SEZ6L: variants seen among roughly 807,000 people sequenced by gnomAD.
SEZ6L encodes the protein seizure 6-like protein.
In SEZ6L, 37 loss-of-function variants were observed where a neutral mutation model predicts 106.2. The ratio of observed to expected loss-of-function variants is 0.35; its 90% CI spans 0.27 to 0.46. The LOEUF (loss-of-function observed/expected upper bound fraction) is 0.46. SEZ6L is among the 20% of genes least tolerant of loss of function. SEZ6L has a pLI of 1.00. For synonymous variants in SEZ6L, 541 were observed against 570.4 expected, an observed-to-expected ratio of 0.95 and a Z score of 0.73; for missense variants, 1,172 against 1,332.8, an observed-to-expected ratio of 0.88 and a Z score of 1.88.
intron 1 of SEZ6L, among the ~76,000 whole-genome samples, chr22:26,213,257 C>T (rs1052025582): frequency 1.3e-5 from 2 of 152,160 alleles, no homozygotes; most frequent in Admixed American, 6.5e-5. Flanking sequence ...ATTACAATTC[C>T]ACATGAGAGC....
intron 1 of SEZ6L, among the ~76,000 whole-genome samples, chr22:26,266,376 C>T (rs113291426): frequency 0.095 from 13,919 of 147,208 alleles, 797 homozygotes; most frequent in Middle Eastern, 0.2. Context: ...CTGGCTAACA[C>T]AGTGAAACCC....
chr22:26,178,948 A>G (rs996582126), intron 1 of SEZ6L, among the ~76,000 whole-genome samples: 2 of 152,128 alleles, frequency 1.3e-5, no homozygotes, highest in African/African-American at 4.8e-5. Context: ...GTATAGTGCT[A>G]TGGTTGGAAT....
chr22:26,371,532 TGAA>T (rs2084036090), intron 13 of SEZ6L, among the ~76,000 whole-genome samples: 1 of 152,078 alleles, frequency 6.6e-6, no homozygotes, highest in African/African-American at 2.4e-5. Flanking sequence ...ACTTGGAGGC[TGAA>T]GTAGGAGAAT....
intron 13 of SEZ6L, among the ~76,000 whole-genome samples, chr22:26,372,882 A>T (rs742237): frequency 6.6e-6 from 1 of 152,008 alleles, no homozygotes. Flanking sequence ...ACAGGAAAAC[A>T]GTTCCACCTC....
Position 26,256,175 on chromosome 22 carries a change from G to A in SEZ6L, c.95-36231G>A, listed in dbSNP as rs77528815. Among the ~76,000 whole-genome samples the A allele has an allele frequency of 1.0e-3, 155 of 152,314 alleles. 6 individuals carry two copies. The East Asian group carries it at 0.025, about 24-fold the overall frequency. On this transcript the variant is annotated intron_variant, in intron 1 of 16. Transcript: ENST00000248933. ...AGTAGTTGGAGAAGTAAGGAAATGC[G>A]TAAGAGACTAGGTAAACAATGAAAG...
At chr22:26,270,367 A>G (rs1408351610) in intron 1 of SEZ6L, among the ~76,000 whole-genome samples, 7 of 152,100 alleles carry the variant, frequency 4.6e-5, no homozygotes, top group African/African-American at 9.7e-5. Flanking sequence ...CTTTGCATCT[A>G]TGAAACAAAA....
chr22:26,369,458 G>C (rs11090438), intron 13 of SEZ6L, among the ~76,000 whole-genome samples: 69,348 of 136,384 alleles, frequency 0.51, 18,675 homozygotes, highest in East Asian at 0.95. Flanking sequence ...CTCCTGCCTC[G>C]GCCTCCCGAG....
chr22:26,376,040 A>T (rs5752314), intron 15 of SEZ6L, among the ~76,000 whole-genome samples: 6 of 151,928 alleles, frequency 3.9e-5, no homozygotes, highest in Non-Finnish European at 7.4e-5. Context: ...AATCTGTTGT[A>T]TATCAGACAT....
intron 1 of SEZ6L, among the ~76,000 whole-genome samples, chr22:26,267,356 G>C (rs1447663244): frequency 1.3e-5 from 2 of 152,194 alleles, no homozygotes; most frequent in African/African-American, 2.4e-5. Flanking sequence ...AAAGTATCCA[G>C]GGGTTTGATA....
chr22:26,172,946 G>T (rs1938725115), intron 1 of SEZ6L, among the ~76,000 whole-genome samples: 1 of 152,212 alleles, frequency 6.6e-6, no homozygotes, highest in Non-Finnish European at 1.5e-5. Context: ...TGGGGAGTTT[G>T]ACTGAACTGG....
intron 12 of SEZ6L, among the ~76,000 whole-genome samples, chr22:26,353,069 G>T (rs1424026319): frequency 2.6e-5 from 4 of 152,108 alleles, no homozygotes; most frequent in Non-Finnish European, 5.9e-5. Flanking sequence ...CTCAAAAAGG[G>T]ACACTTTATT....
At chr22:26,340,391 C>T (rs370358497) in intron 9 of SEZ6L, 45 bp from the exon 10 acceptor site, 66 of 1,535,474 alleles carry the variant, frequency 4.3e-5, no homozygotes, top group Non-Finnish European at 5.5e-5. Context: ...TATTGAATGC[C>T]CATTCTCTAT....
At chr22:26,261,180 G>T (rs919682259) in intron 1 of SEZ6L, among the ~76,000 whole-genome samples, 4 of 152,124 alleles carry the variant, frequency 2.6e-5, no homozygotes, top group Non-Finnish European at 4.4e-5. Context: ...TCACTCTGTG[G>T]GTTGTCTGTT....
At chr22:26,257,617 G>T (rs983960350) in intron 1 of SEZ6L, among the ~76,000 whole-genome samples, 5 of 152,186 alleles carry the variant, frequency 3.3e-5, no homozygotes, top group Admixed American at 1.3e-4. Context: ...GGCAGGAGAA[G>T]GCTCTTCTGA....
intron 7 of SEZ6L, among the ~76,000 whole-genome samples, 178 bp from the exon 8 acceptor site, chr22:26,311,590 G>T (rs1393427966): frequency 6.6e-6 from 1 of 152,200 alleles, no homozygotes; most frequent in Admixed American, 6.5e-5. Context: ...GAGGTCCCAA[G>T]GAGTCAACTG....
chr22:26,229,788 G>A (rs2078742433), intron 1 of SEZ6L, among the ~76,000 whole-genome samples: 1 of 152,214 alleles, frequency 6.6e-6, no homozygotes, highest in Non-Finnish European at 1.5e-5. Flanking sequence ...CAGGACTGGG[G>A]ACCACCACTG....
Position 26,186,535 on chromosome 22 carries a change from T to C in SEZ6L, c.94+16772T>C, listed in dbSNP as rs544164034. Among the ~76,000 whole-genome samples, 36 of 151,918 alleles carry C rather than the reference T, an allele frequency of 2.4e-4. No individual in the cohort carries two copies. The East Asian group carries it at 4.7e-3, about 20-fold the overall frequency. On this transcript the variant is annotated intron_variant, in intron 1 of 16. Coordinates refer to ENST00000248933, the MANE Select transcript of SEZ6L (RefSeq NM_021115.5). ...GATGGAAAACTACTGAAAGGAAACA[T>C]CAGGGGTAAGGGAGATTCTCCTAAA...
At position 26,169,807 on chromosome 22, in the gene SEZ6L, G is replaced by T. The variant is rs1001657674; in HGVS notation, c.94+44G>T. On this transcript the variant is annotated intron_variant, in intron 1 of 16. Coordinates refer to ENST00000248933, the MANE Select transcript of SEZ6L (RefSeq NM_021115.5). ...GGGGCGGGCAGGGGGCAAAGTTGCC[G>T]GGAGAGCGGGGCAGCCAGGGGTCGG... The T allele has an allele frequency of 1.4e-4, 146 of 1,017,710 alleles. 1 individual carries two copies. In the African/African-American group the frequency reaches 2.0e-3, roughly 14 times the overall value. 63.0% of individuals were successfully genotyped at this position (1,017,710 alleles called of 1,614,324 possible). A position where few individuals can be genotyped will look rare whatever the true frequency, so the allele number is the denominator to read the frequency against.
At chr22:26,279,571 A>G (rs1033171915) in intron 1 of SEZ6L, among the ~76,000 whole-genome samples, 1 of 152,214 alleles carries the variant, frequency 6.6e-6, no homozygotes, top group Non-Finnish European at 1.5e-5. Flanking sequence ...GCGAAAAGAA[A>G]GGAAGTTAGA....
Sources: gnomAD v4.1 joint callset for allele counts (sites outside exome capture counted in the v4.1 genomes callset) on GRCh38, gnomAD v4.1.1 for gene constraint, MANE v1.5 for transcripts, NCBI Gene and HGNC (gene_info 2026-07-23, HGNC 2026-07-21) for gene names.